Variants in OSBP2 observed in about 807,000 individuals in gnomAD.
The protein encoded by OSBP2 is oxysterol binding protein 2, also known as oxysterol-binding protein 2.
OSBP2 carries 66 observed loss-of-function variants against 96.0 expected under a neutral mutation model. That is an observed-to-expected ratio of 0.69 (90% CI 0.56 to 0.84). OSBP2 has a LOEUF of 0.84. OSBP2 is among the 40% of genes least tolerant of loss of function. The probability of loss-of-function intolerance (pLI) is 0.00; values close to 1 mark genes in which losing one functional copy is unlikely to be tolerated. For synonymous variants in OSBP2, 525 were observed against 520.9 expected, an observed-to-expected ratio of 1.01 and a Z score of -0.11; for missense variants, 1,038 against 1,222.7, an observed-to-expected ratio of 0.85 and a Z score of 2.25.
upstream of OSBP2, chr22:30,694,798 C>A: frequency 1.8e-6 from 1 of 559,672 alleles, no homozygotes; most frequent in Non-Finnish European, 2.3e-6. Context: ...GCGGAGGAAC[C>A]CGCGCGCGCC....
chr22:30,822,658 G>A (rs1186515348), intron 2 of OSBP2: 2 of 1,533,896 alleles, frequency 1.3e-6, no homozygotes, highest in South Asian at 1.2e-5. Context: ...CTGGGACACG[G>A]CCTCCGTGCG....
rs576666881 is a variant in OSBP2, at chr22:30,822,823, C to A, written c.854-47606C>A. 1,088 of 897,910 alleles carry A rather than the reference C, an allele frequency of 1.2e-3. 3 individuals are homozygous for A. Among genetic ancestry groups the A allele is most frequent in the Non-Finnish European group, 1.1e-3 (705 of 645,398 alleles). The allele number at this position is 897,910 out of a possible 1,614,324, so 55.6% of individuals were successfully genotyped here. A position where few individuals can be genotyped will look rare whatever the true frequency, so the allele number is the denominator to read the frequency against. On this transcript the variant is annotated intron_variant, in intron 2 of 13. Coordinates refer to ENST00000332585, the MANE Select transcript of OSBP2 (RefSeq NM_030758.4). ...ACGGGAGCCTCTGATGTCACTCCCT[C>A]GCGGCGTGGGGAGCGCGGGGAGCCT...
At chr22:30,778,331 ACACC>A (rs1555912367) in intron 2 of OSBP2, among the ~76,000 whole-genome samples, 2 of 151,146 alleles carry the variant, frequency 1.3e-5, no homozygotes, top group African/African-American at 4.9e-5. Flanking sequence ...ACACACACAC[ACACC>A]CACTGACAGC....
At chr22:30,755,902 C>T (rs1456252796) in intron 2 of OSBP2, among the ~76,000 whole-genome samples, 1 of 152,214 alleles carries the variant, frequency 6.6e-6, no homozygotes, top group African/African-American at 2.4e-5. Context: ...CACCAGGGCC[C>T]TTGGCCATGG....
chr22:30,752,159 C>T (rs1245069619), intron 2 of OSBP2, among the ~76,000 whole-genome samples: 3 of 152,102 alleles, frequency 2.0e-5, no homozygotes, highest in Non-Finnish European at 4.4e-5. Context: ...GATTCTCTGC[C>T]TGTGCATCTA....
chr22:30,881,657 A>G lies in OSBP2; in HGVS notation c.1108-5769A>G. On this transcript the variant is annotated intron_variant, in intron 3 of 13. Transcript: ENST00000332585. This position sits in a 1 kb window ranked among gnomAD's most constrained non-coding sequence, Gnocchi z 4.5. ...GCCCCAAGCCTAATCCAGCTTATCA[A>G]GCACACAGCACACAGCCCAGCTCAG... 1 of 1,303,218 alleles carries G rather than the reference A, an allele frequency of 7.7e-7. No individual in the cohort carries two copies. The highest frequency in any genetic ancestry group is 1.0e-6 in the Non-Finnish European group (1 of 988,236). The allele number at this position is 1,303,218 out of a possible 1,614,324, so 80.7% of individuals were successfully genotyped here.
At position 30,907,456 on chromosome 22, in the gene OSBP2, C is replaced by T. The variant is rs1385833238; in HGVS notation, c.*1117C>T. The T allele has an allele frequency of 6.6e-6, 1 of 152,322 alleles. No homozygotes were observed. The highest frequency in any genetic ancestry group is 1.5e-5 in the Non-Finnish European group (1 of 68,028). The allele number at this position is 152,322 out of a possible 1,614,324, so 9.4% of individuals were successfully genotyped here. A position where few individuals can be genotyped will look rare whatever the true frequency, so the allele number is the denominator to read the frequency against. ...GCCCTCATGTGAGCTGTGCCCTTCC[C>T]TCTCCTCATGCCCCCTTCCAGCGGC... is the stretch of plus-strand genomic sequence containing the variant. On this transcript the variant is annotated 3_prime_UTR_variant, in exon 14 of 14. Coordinates refer to ENST00000332585, the MANE Select transcript of OSBP2 (RefSeq NM_030758.4).
intron 2 of OSBP2, among the ~76,000 whole-genome samples, chr22:30,755,983 T>C (rs1173060113): frequency 2.6e-5 from 4 of 152,156 alleles, no homozygotes; most frequent in African/African-American, 9.7e-5. Context: ...TGCCTTAACG[T>C]GGAGCACCAG....
chr22:30,763,916 T>G (rs2090237722), intron 2 of OSBP2, among the ~76,000 whole-genome samples: 2 of 152,102 alleles, frequency 1.3e-5, no homozygotes, highest in African/African-American at 4.8e-5. Flanking sequence ...AAAGAGATAG[T>G]ATCCTTTTAC....
chr22:30,861,133 G>C (rs1294206678), intron 2 of OSBP2, among the ~76,000 whole-genome samples: 1 of 152,190 alleles, frequency 6.6e-6, no homozygotes, highest in African/African-American at 2.4e-5. Flanking sequence ...GATCTCTCTA[G>C]CCGGCCCGGG....
intron 3 of OSBP2, among the ~76,000 whole-genome samples, chr22:30,875,292 A>G (rs2039554469): frequency 6.6e-6 from 1 of 151,910 alleles, no homozygotes. Context: ...TGTATGGGCA[A>G]CCACACTTTC....
At chr22:30,730,632 G>C (rs970278522) in intron 1 of OSBP2, among the ~76,000 whole-genome samples, 2 of 147,976 alleles carry the variant, frequency 1.4e-5, no homozygotes, top group African/African-American at 5.0e-5. Flanking sequence ...GCATTGAATG[G>C]AAGTTCCATA....
At chr22:30,869,477 A>T (rs2039414936) in intron 2 of OSBP2, among the ~76,000 whole-genome samples, 1 of 152,188 alleles carries the variant, frequency 6.6e-6, no homozygotes, top group African/African-American at 2.4e-5. Context: ...CAACTGTGAC[A>T]TTGGGCCTTT....
chr22:30,771,426 CA>C (rs1445054994), intron 2 of OSBP2, among the ~76,000 whole-genome samples: 4 of 152,198 alleles, frequency 2.6e-5, no homozygotes, highest in Non-Finnish European at 5.9e-5. Context: ...GCCTGATGAG[CA>C]CAGGAAGGGC....
chr22:30,695,791 A>G (rs2089020467), intron 1 of OSBP2, among the ~76,000 whole-genome samples: 1 of 152,128 alleles, frequency 6.6e-6, no homozygotes, highest in Non-Finnish European at 1.5e-5. Flanking sequence ...TTTTTGGGCA[A>G]GTGGGGAGGT....
intron 2 of OSBP2, among the ~76,000 whole-genome samples, chr22:30,795,912 G>A (rs1457852296): frequency 6.6e-6 from 1 of 152,156 alleles, no homozygotes; most frequent in Non-Finnish European, 1.5e-5. Context: ...AATGCTCCAT[G>A]TATTCATCCA....
intron 3 of OSBP2, among the ~76,000 whole-genome samples, chr22:30,877,352 T>G (rs150479621): frequency 5.3e-5 from 8 of 152,286 alleles, no homozygotes; most frequent in Non-Finnish European, 8.8e-5. Context: ...GTAGGACTAT[T>G]AAATGACTTT....
At chr22:30,875,534 G>A (rs998159614) in intron 3 of OSBP2, among the ~76,000 whole-genome samples, 19 of 152,052 alleles carry the variant, frequency 1.2e-4, no homozygotes, top group South Asian at 2.1e-4. Context: ...CACCACACTC[G>A]GCTAATTTTG....
intron 2 of OSBP2, among the ~76,000 whole-genome samples, chr22:30,778,303 G>GCGCACA (rs1555912357): frequency 3.5e-4 from 51 of 146,628 alleles, no homozygotes; most frequent in African/African-American, 1.2e-3. Context: ...GTGTGCATGT[G>GCGCACA]CACACACACA....
Sources: allele counts gnomAD v4.1 joint callset (sites outside exome capture counted in the v4.1 genomes callset), GRCh38; gene constraint gnomAD v4.1.1; non-coding constraint Gnocchi (gnomAD v3.1); transcripts MANE v1.5; gene names NCBI Gene and HGNC (gene_info 2026-07-23, HGNC 2026-07-21).